Variants in CMSS1 observed in about 807,000 individuals in gnomAD.
CMSS1 encodes protein CMSS1.
In CMSS1, 33 loss-of-function variants were observed where a neutral mutation model predicts 43.5. The observed-to-expected ratio is 0.76, with a 90% CI of 0.57 to 1.01. The LOEUF (loss-of-function observed/expected upper bound fraction) is 1.01, where lower values mean the gene tolerates loss of function less well. Among genes scored for constraint, CMSS1 ranks in the 50% least tolerant of loss-of-function variants. CMSS1 has a pLI of 0.00. For missense variants in CMSS1, 313 were observed against 326.4 expected, an observed-to-expected ratio of 0.96 and a Z score of 0.32; for synonymous variants, 115 against 117.2, an observed-to-expected ratio of 0.98 and a Z score of 0.12.
At chr3:100,160,952 T>A (rs1559776341) in intron 3 of CMSS1, among the ~76,000 whole-genome samples, 1 of 152,218 alleles carries the variant, frequency 6.6e-6, no homozygotes, top group African/African-American at 2.4e-5. Flanking sequence ...ATGAGGCACT[T>A]CTGACTAATT....
chr3:99,950,732 T>C (rs991358973), intron 1 of CMSS1, among the ~76,000 whole-genome samples: 7 of 152,314 alleles, frequency 4.6e-5, no homozygotes, highest in Non-Finnish European at 1.0e-4. Context: ...AAAAGCTGTG[T>C]GTTAAATTCT....
At chr3:100,073,725 A>G (rs958792181) in intron 1 of CMSS1, among the ~76,000 whole-genome samples, 1 of 152,072 alleles carries the variant, frequency 6.6e-6, no homozygotes, top group Non-Finnish European at 1.5e-5. Flanking sequence ...GCCGGTGTTC[A>G]CTCTACATTC....
intron 1 of CMSS1, among the ~76,000 whole-genome samples, chr3:100,017,886 G>C (rs1710391359): frequency 6.6e-6 from 1 of 152,096 alleles, no homozygotes; most frequent in African/African-American, 2.4e-5. Context: ...TAACTACATC[G>C]CCAGTTTTCC....
chr3:99,884,499 AT>A (rs1576546793), intron 1 of CMSS1, among the ~76,000 whole-genome samples: 1 of 152,252 alleles, frequency 6.6e-6, no homozygotes, highest in East Asian at 1.9e-4. Flanking sequence ...AGGGAAAGGA[AT>A]TGCTGTTATT....
At chr3:100,023,726 T>G (rs2064867872) in intron 1 of CMSS1, among the ~76,000 whole-genome samples, 1 of 152,136 alleles carries the variant, frequency 6.6e-6, no homozygotes, top group Admixed American at 6.6e-5. Flanking sequence ...TGCAGAAAAT[T>G]ACAGGCCTGG....
chr3:100,157,650 G>A (rs969960350), intron 2 of CMSS1, among the ~76,000 whole-genome samples: 3 of 152,194 alleles, frequency 2.0e-5, no homozygotes, highest in African/African-American at 4.8e-5. Flanking sequence ...GCATGGAATA[G>A]GGACAGGAAA....
At chr3:100,073,930 A>G (rs1446759875) in intron 1 of CMSS1, among the ~76,000 whole-genome samples, 1 of 152,172 alleles carries the variant, frequency 6.6e-6, no homozygotes, top group African/African-American at 2.4e-5. Context: ...TCACAGAGGA[A>G]GTAATGGTTT....
At chr3:99,835,522 G>GT (rs762582941) in intron 1 of CMSS1, among the ~76,000 whole-genome samples, 4 of 152,182 alleles carry the variant, frequency 2.6e-5, no homozygotes, top group Non-Finnish European at 5.9e-5. Context: ...TAAGTCCTGG[G>GT]TAGAATAGGA....
rs760100501 is a variant in CMSS1, at chr3:100,178,524, T to C, written c.*136T>C. 5 of 589,436 alleles carry C rather than the reference T, an allele frequency of 8.5e-6. No homozygotes were observed. Among genetic ancestry groups the C allele is most frequent in the African/African-American group, 1.9e-5 (1 of 53,506 alleles). 36.5% of individuals were successfully genotyped at this position (589,436 alleles called of 1,614,324 possible). A position where few individuals can be genotyped will look rare whatever the true frequency, so the allele number is the denominator to read the frequency against. Reference sequence around the variant, plus strand: ...TGTGTCAACAGATGGATCACTGGAATGTGGGGATTCTGAAACAGAAATGAA... The same window carrying C: ...TGTGTCAACAGATGGATCACTGGAACGTGGGGATTCTGAAACAGAAATGAA... On this transcript the variant is annotated 3_prime_UTR_variant, in exon 10 of 10. Coordinates refer to ENST00000421999, the MANE Select transcript of CMSS1 (RefSeq NM_032359.4).
intron 1 of CMSS1, among the ~76,000 whole-genome samples, chr3:99,981,338 T>A (rs1051960097): frequency 2.6e-5 from 4 of 152,218 alleles, no homozygotes; most frequent in African/African-American, 9.6e-5. Context: ...CTTCCTGAAA[T>A]GACTTAGGAA....
intron 1 of CMSS1, among the ~76,000 whole-genome samples, chr3:100,062,218 T>C (rs1448703703): frequency 6.8e-6 from 1 of 147,818 alleles, no homozygotes; most frequent in Non-Finnish European, 1.5e-5. Context: ...TTCAGGCCAT[T>C]CTCCTGCCTC....
chr3:100,070,676 C>T (rs1350194787), intron 1 of CMSS1, among the ~76,000 whole-genome samples: 4 of 152,054 alleles, frequency 2.6e-5, no homozygotes, highest in South Asian at 2.1e-4. Context: ...TTTTGGCCCA[C>T]GCTGGAGTGC....
intron 1 of CMSS1, among the ~76,000 whole-genome samples, chr3:99,888,655 C>G (rs1174360130): frequency 6.6e-6 from 1 of 152,150 alleles, no homozygotes; most frequent in Non-Finnish European, 1.5e-5. Context: ...ATTTTATATA[C>G]TGGCTGTGGA....
intron 1 of CMSS1, among the ~76,000 whole-genome samples, chr3:100,134,660 A>C (rs2066736084): frequency 6.6e-6 from 1 of 152,214 alleles, no homozygotes; most frequent in Non-Finnish European, 1.5e-5. Context: ...AAAAGATAGG[A>C]TGGGGTGGAA....
chr3:100,041,527 T>C (rs1479398080), intron 1 of CMSS1: 1 of 152,138 alleles, frequency 6.6e-6, no homozygotes, highest in Non-Finnish European at 1.5e-5. Flanking sequence ...GAATGTGAGG[T>C]CAAATTTTCC....
At chr3:99,823,092 T>G (rs1942471293) in intron 1 of CMSS1, among the ~76,000 whole-genome samples, 1 of 152,250 alleles carries the variant, frequency 6.6e-6, no homozygotes, top group Non-Finnish European at 1.5e-5. Context: ...GAATAATCTG[T>G]TATCGGCTTA....
At chr3:100,084,329 CAT>C (rs2065974130) in intron 1 of CMSS1, among the ~76,000 whole-genome samples, 1 of 152,138 alleles carries the variant, frequency 6.6e-6, no homozygotes, top group Non-Finnish European at 1.5e-5. Flanking sequence ...ATGCTACCCA[CAT>C]AAAAATATGC....
At chr3:99,866,171 GT>G (rs547796498) in intron 1 of CMSS1, among the ~76,000 whole-genome samples, 157 of 143,976 alleles carry the variant, frequency 1.1e-3, no homozygotes, top group Non-Finnish European at 1.8e-3. Flanking sequence ...TTAAGCCTGT[GT>G]TTTTTTTTTT....
chr3:99,994,816 A>G, intron 1 of CMSS1, among the ~76,000 whole-genome samples: 1 of 152,152 alleles, frequency 6.6e-6, no homozygotes. Flanking sequence ...TCCTGATAAA[A>G]CCATCAGATC....
Sources: gnomAD v4.1 joint callset for allele counts (sites outside exome capture counted in the v4.1 genomes callset) on GRCh38, gnomAD v4.1.1 for gene constraint, MANE v1.5 for transcripts, NCBI Gene and HGNC (gene_info 2026-07-23, HGNC 2026-07-21) for gene names.